Variants in MYL9 observed in about 807,000 individuals in gnomAD.
MYL9 encodes myosin light chain 9.
A neutral mutation model predicts 12.8 loss-of-function variants in MYL9; 7 were observed. That is an observed-to-expected ratio of 0.55 (90% confidence interval 0.31 to 1.03). The LOEUF is 1.03. MYL9 is among the 50% of genes least tolerant of loss of function. The pLI is 0.05. For missense variants in MYL9, 190 were observed against 242.7 expected (o/e 0.78, Z 1.44); for synonymous variants, 81 against 87.8 (o/e 0.92, Z 0.43).
intron 2 of MYL9, among the ~76,000 whole-genome samples, chr20:36,546,207 G>A (rs899193258): frequency 1.3e-5 from 2 of 152,296 alleles, no homozygotes; most frequent in Admixed American, 6.5e-5. Context: ...CCCAACCCAC[G>A]GGCCTGCCCC....
chr20:36,546,381 C>T (rs2038100227), intron 2 of MYL9, among the ~76,000 whole-genome samples: 1 of 152,184 alleles, frequency 6.6e-6, no homozygotes, highest in South Asian at 2.1e-4. Flanking sequence ...GCTTTGAGGC[C>T]AGAGAGTCAG....
intron 1 of MYL9, among the ~76,000 whole-genome samples, chr20:36,544,506 C>T (rs1461757687): frequency 6.6e-6 from 1 of 152,168 alleles, no homozygotes; most frequent in Non-Finnish European, 1.5e-5. Context: ...TAATGGTTGG[C>T]ACCAAGCCCA....
At chr20:36,548,277 C>T (rs763951216) in intron 3 of MYL9, 84 bp downstream of exon 3, 69 of 1,468,642 alleles carry the variant, frequency 4.7e-5, no homozygotes, top group Middle Eastern at 1.8e-4. Context: ...AGGGCCAGAA[C>T]AGACATCACC....
intron 2 of MYL9, among the ~76,000 whole-genome samples, 172 bp downstream of exon 2, chr20:36,545,240 G>A (rs369973714): frequency 9.2e-5 from 14 of 152,340 alleles, no homozygotes; most frequent in South Asian, 8.3e-4. Context: ...GCTCACGCCT[G>A]TAATCCCAGC....
In MYL9 at chr20:36,551,246, G is replaced by A. The variant is rs150042922; in HGVS notation, c.*1997G>A. 5.7e-3 allele frequency: 865 copies of A among 152,556 alleles called. 4 individuals carry two copies. Among genetic ancestry groups the A allele is most frequent in the Middle Eastern group, 0.01 (3 of 294 alleles). The allele number at this position is 152,556 out of a possible 1,614,324, so 9.5% of individuals were successfully genotyped here. A position where few individuals can be genotyped will look rare whatever the true frequency, so the allele number is the denominator to read the frequency against. ...TGACCCACAGGAAGGGAAGAGGAAC[G>A]TGCTCTGGGCAGGGCAAGGCAGGAC... is the stretch of plus-strand genomic sequence containing the variant. On this transcript the variant is annotated 3_prime_UTR_variant, in exon 4 of 4. Coordinates refer to ENST00000279022, the MANE Select transcript of MYL9 (RefSeq NM_006097.5).
In MYL9 at chr20:36,549,194, A is replaced by G; in HGVS notation, c.464A>G (p.Asn155Ser). The G allele has an allele frequency of 6.2e-7, 1 of 1,614,044 alleles. No individual in the cohort carries two copies. Among genetic ancestry groups the G allele is most frequent in the East Asian group, 2.2e-5 (1 of 44,884 alleles). The change falls in exon 4 of 4, where the codon AAC becomes AGC. Residue 155 changes from asparagine (N) to serine (S), a missense_variant. Asn to Ser is a conservative substitution (Grantham distance 46). Transcript: ENST00000279022. The stretch of plus-strand genomic sequence containing the variant: ...CCCATTGATAAGAAAGGCAACTTCA[A>G]CTACGTGGAGTTCACCCGCATCCTC... Reference protein sequence around the residue: ...EAPIDKKGNFNYVEFTRILKH... With the variant: ...EAPIDKKGNFSYVEFTRILKH...
chr20:36,545,784 C>T (rs2038092456), intron 2 of MYL9, among the ~76,000 whole-genome samples: 1 of 151,798 alleles, frequency 6.6e-6, no homozygotes, highest in African/African-American at 2.4e-5. Flanking sequence ...CAAAAATTAG[C>T]TGGGCGTGGT....
chr20:36,547,912 C>A, intron 2 of MYL9, 120 bp from the exon 3 acceptor site: 3 of 1,251,662 alleles, frequency 2.4e-6, no homozygotes, highest in Non-Finnish European at 3.2e-6. Flanking sequence ...TTCACAAAAC[C>A]CACTACCTCC....
Position 36,551,412 on chromosome 20 carries a change from A to C in MYL9, c.*2163A>C, listed in dbSNP as rs2038164960. 1 of 152,232 alleles carries C rather than the reference A, an allele frequency of 6.6e-6. No homozygotes were observed. Among genetic ancestry groups the C allele is most frequent in the African/African-American group, 2.4e-5 (1 of 41,454 alleles). 9.4% of individuals were successfully genotyped at this position (152,232 alleles called of 1,614,324 possible). A position where few individuals can be genotyped will look rare whatever the true frequency, so the allele number is the denominator to read the frequency against. On this transcript the variant is annotated 3_prime_UTR_variant, in exon 4 of 4. Coordinates refer to ENST00000279022, the MANE Select transcript of MYL9 (RefSeq NM_006097.5). ...TTTTTGTAGAGCTAAAGAAACCATA[A>C]GCAAAATTAAAAGCCAAATGCATTC...
At position 36,545,057 on chromosome 20, in the gene MYL9, T is replaced by G. The variant is rs2038078301; in HGVS notation, c.173T>G (p.Leu58Arg). 3 of 1,613,990 alleles carry G rather than the reference T, an allele frequency of 1.9e-6. No individual in the cohort carries two copies. Among genetic ancestry groups the G allele is most frequent in the Non-Finnish European group, 2.5e-6 (3 of 1,179,892 alleles). The change falls in exon 2 of 4, where the codon CTG becomes CGG. Residue 58 changes from leucine (L) to arginine (R), a missense_variant. Physicochemically the swap from Leu to Arg is moderately radical, Grantham distance 102. Coordinates refer to ENST00000279022, the MANE Select transcript of MYL9 (RefSeq NM_006097.5). Reference protein sequence around the residue: ...FIDKEDLHDMLASLGKNPTDE... With the variant: ...FIDKEDLHDMRASLGKNPTDE... ...GACAAGGAGGACCTGCACGACATGC[T>G]GGCCTCGCTGGGTGAGCTGGGACAG...
chr20:36,547,352 G>T (rs1386284914), intron 2 of MYL9, among the ~76,000 whole-genome samples: 2 of 152,362 alleles, frequency 1.3e-5, no homozygotes, highest in East Asian at 1.9e-4. Flanking sequence ...GGCTCAGAGA[G>T]GTTAAGTAAT....
chr20:36,551,191 C>A lies in MYL9; in HGVS notation c.*1942C>A, dbSNP rs2038163034. Reference sequence around the variant, plus strand: ...AGAGGTCAGGACCAGTCCAGCCTCACTGGCTTCAGAACTGGCCTGGGGGCT... The same window carrying A: ...AGAGGTCAGGACCAGTCCAGCCTCAATGGCTTCAGAACTGGCCTGGGGGCT... On this transcript the variant is annotated 3_prime_UTR_variant, in exon 4 of 4. Transcript: ENST00000279022. The A allele has an allele frequency of 6.6e-6, 1 of 152,290 alleles. No individual in the cohort carries two copies. Among genetic ancestry groups the A allele is most frequent in the South Asian group, 2.1e-4 (1 of 4,824 alleles). 9.4% of individuals were successfully genotyped at this position (152,290 alleles called of 1,614,324 possible).
At chr20:36,543,002 G>T (rs1200409496) in intron 1 of MYL9, among the ~76,000 whole-genome samples, 1 of 152,178 alleles carries the variant, frequency 6.6e-6, no homozygotes, top group African/African-American at 2.4e-5. Flanking sequence ...AGCCTCTGTT[G>T]GGCACAGTGC....
chr20:36,548,879 C>T (rs771509134), intron 3 of MYL9, among the ~76,000 whole-genome samples, 198 bp from the exon 4 acceptor site: 1 of 152,178 alleles, frequency 6.6e-6, no homozygotes, highest in Non-Finnish European at 1.5e-5. Flanking sequence ...CACCCCTTCA[C>T]GTGGGATCCG....
intron 3 of MYL9, 62 bp from the exon 4 acceptor site, chr20:36,549,015 G>A (rs1056602809): frequency 6.7e-5 from 101 of 1,509,386 alleles, no homozygotes; most frequent in African/African-American, 8.3e-5. Context: ...GCTGAGGGAT[G>A]GGGCTGCTGT....
chr20:36,542,911 G>T (rs1320420679), intron 1 of MYL9, among the ~76,000 whole-genome samples: 2 of 152,120 alleles, frequency 1.3e-5, no homozygotes, highest in African/African-American at 4.8e-5. Flanking sequence ...GCCCAGCTGG[G>T]CTCAGACCCA....
intron 2 of MYL9, 70 bp downstream of exon 2, chr20:36,545,138 C>A: frequency 6.5e-7 from 1 of 1,529,448 alleles, no homozygotes; most frequent in Non-Finnish European, 9.0e-7. Context: ...TTACAGGGCA[C>A]CTCCTGTGTA....
intron 2 of MYL9, 33 bp from the exon 3 acceptor site, chr20:36,547,999 G>C: frequency 6.3e-7 from 1 of 1,576,460 alleles, no homozygotes; most frequent in Non-Finnish European, 8.6e-7. Context: ...AGAGGGCCCA[G>C]GACCACAGGC....
At chr20:36,545,457 AC>A (rs1257839232) in intron 2 of MYL9, among the ~76,000 whole-genome samples, 1 of 148,956 alleles carries the variant, frequency 6.7e-6, no homozygotes, top group African/African-American at 2.5e-5. Context: ...AGATCGCCCC[AC>A]TGCACTCCAG....
Sources: gnomAD v4.1 joint callset for allele counts (sites outside exome capture counted in the v4.1 genomes callset) on GRCh38, gnomAD v4.1.1 for gene constraint, MANE v1.5 for transcripts, NCBI Gene and HGNC (gene_info 2026-07-23, HGNC 2026-07-21) for gene names.